The following ATXN1 variants were observed in gnomAD, a reference collection of about 807,000 sequenced individuals.
The protein encoded by ATXN1 is ataxin 1, also known as ataxin-1.
ATXN1 carries 8 observed loss-of-function variants against 56.4 expected under a neutral mutation model. The observed-to-expected ratio is 0.14, with a 90% CI of 0.08 to 0.26. The LOEUF (loss-of-function observed/expected upper bound fraction) is 0.26. ATXN1 is among the 10% of genes least tolerant of loss of function. The probability of loss-of-function intolerance (pLI) is 1.00; values close to 1 mark genes in which losing one functional copy is unlikely to be tolerated. For missense variants in ATXN1, 987 were observed against 1,106.5 expected (o/e 0.89, Z 1.53); for synonymous variants, 514 against 494.6 (o/e 1.04, Z -0.52).
chr6:16,719,753 C>T (rs1759709745), intron 2 of ATXN1, among the ~76,000 whole-genome samples: 1 of 152,074 alleles, frequency 6.6e-6, no homozygotes, highest in African/African-American at 2.4e-5. Context: ...AGGAGAGGAC[C>T]TGGTACAGAC....
intron 3 of ATXN1, among the ~76,000 whole-genome samples, chr6:16,642,935 C>T (rs1251201432): frequency 6.6e-6 from 1 of 152,166 alleles, no homozygotes; most frequent in Non-Finnish European, 1.5e-5. Context: ...TGCTGTATTG[C>T]AATACTTGCT....
At chr6:16,741,758 T>C (rs1040243456) in intron 2 of ATXN1, among the ~76,000 whole-genome samples, 1 of 152,230 alleles carries the variant, frequency 6.6e-6, no homozygotes, top group Non-Finnish European at 1.5e-5. Context: ...GTTTCTTCAT[T>C]TTAATGTTGT....
chr6:16,494,454 A>G (rs1054636277), intron 5 of ATXN1, among the ~76,000 whole-genome samples: 6 of 152,236 alleles, frequency 3.9e-5, no homozygotes, highest in African/African-American at 9.6e-5. Context: ...TCAGAGATAA[A>G]TATGCTGGAA....
chr6:16,346,987 C>T (rs1581704581), intron 6 of ATXN1, among the ~76,000 whole-genome samples: 1 of 152,170 alleles, frequency 6.6e-6, no homozygotes, highest in Admixed American at 6.6e-5. Context: ...CAGCGGCGGA[C>T]CCCGCCGGCC....
At position 16,587,411 on chromosome 6, in the gene ATXN1, A is replaced by G. The variant is rs887159384; in HGVS notation, c.-488-1504T>C. 3.4e-4 allele frequency among the ~76,000 whole-genome samples: 52 copies of G among 152,244 alleles called. 1 individual carries two copies. The highest frequency in any genetic ancestry group is 8.8e-5 in the Non-Finnish European group (6 of 68,038). ...TCTTAAAAAATTCTTAAACATGTTTACCTGTTCACAAAGTCTACATACTAA... is the reference window on the plus strand; with the variant it reads ...TCTTAAAAAATTCTTAAACATGTTTGCCTGTTCACAAAGTCTACATACTAA... On this transcript the variant is annotated intron_variant, in intron 3 of 7. Coordinates refer to ENST00000436367, the MANE Select transcript of ATXN1 (RefSeq NM_001128164.2).
chr6:16,328,403 G>A lies in ATXN1; in HGVS notation c.-93C>T, dbSNP rs1044543641. On this transcript the variant is annotated 5_prime_UTR_variant, in exon 7 of 8. Coordinates refer to ENST00000436367, the MANE Select transcript of ATXN1 (RefSeq NM_001128164.2). The surrounding 1 kb of genome is among the most constrained non-coding windows in gnomAD (Gnocchi z 6.2). ...CGGAAAGTCACATTTGATTTCTGTA[G>A]GGGATCCAGGCTCTTCATGAGGAAT... 28 of 1,395,846 alleles carry A rather than the reference G, an allele frequency of 2.0e-5. No individual in the cohort carries two copies. The African/African-American group carries it at 3.6e-4, about 18-fold the overall frequency. The allele number at this position is 1,395,846 out of a possible 1,614,324, so 86.5% of individuals were successfully genotyped here. A position where few individuals can be genotyped will look rare whatever the true frequency, so the allele number is the denominator to read the frequency against.
chr6:16,733,007 T>C (rs2113488931), intron 2 of ATXN1, among the ~76,000 whole-genome samples: 1 of 152,340 alleles, frequency 6.6e-6, no homozygotes, highest in South Asian at 2.1e-4. Context: ...ACCTATTTTT[T>C]AAATGTAGTG....
chr6:16,637,485 TA>T (rs1225740361), intron 3 of ATXN1, among the ~76,000 whole-genome samples: 2 of 151,410 alleles, frequency 1.3e-5, no homozygotes, highest in East Asian at 1.9e-4. Context: ...CCCTAGAACT[TA>T]AAGTATAATA....
chr6:16,475,392 C>T (rs988203582), intron 6 of ATXN1, among the ~76,000 whole-genome samples: 9 of 152,206 alleles, frequency 5.9e-5, no homozygotes, highest in South Asian at 2.1e-4. Flanking sequence ...ACTTCAGCAA[C>T]GCATCATGAT....
chr6:16,472,721 T>C (rs568581702), intron 6 of ATXN1, among the ~76,000 whole-genome samples: 1 of 152,322 alleles, frequency 6.6e-6, no homozygotes, highest in African/African-American at 2.4e-5. Flanking sequence ...GCTCCGAGCA[T>C]GCCCTGGGGT....
At chr6:16,646,561 C>G (rs1410148127) in intron 3 of ATXN1, among the ~76,000 whole-genome samples, 1 of 152,218 alleles carries the variant, frequency 6.6e-6, no homozygotes, top group Non-Finnish European at 1.5e-5. Context: ...ACACCTTAAC[C>G]CTGGGCTCAA....
chr6:16,687,657 TACACACACACACAC>T (rs57034032), intron 2 of ATXN1, among the ~76,000 whole-genome samples: 2 of 143,294 alleles, frequency 1.4e-5, no homozygotes, highest in African/African-American at 2.6e-5. Flanking sequence ...AAAGAAGAAA[TACACACACACACAC>T]ACACACACAC....
At chr6:16,695,216 T>G (rs1338779314) in intron 2 of ATXN1, among the ~76,000 whole-genome samples, 1 of 152,212 alleles carries the variant, frequency 6.6e-6, no homozygotes, top group Non-Finnish European at 1.5e-5. Context: ...CTGAGAAACT[T>G]AGACTTACAA....
At chr6:16,381,286 G>T (rs542428735) in intron 6 of ATXN1, among the ~76,000 whole-genome samples, 1 of 150,708 alleles carries the variant, frequency 6.6e-6, no homozygotes, top group South Asian at 2.1e-4. Context: ...ACTCCATCAT[G>T]AAAAAAAAAG....
intron 5 of ATXN1, among the ~76,000 whole-genome samples, chr6:16,509,724 T>C (rs1759188685): frequency 6.6e-6 from 1 of 152,212 alleles, no homozygotes. Context: ...AACTGCAGTT[T>C]CAATCTTCTT....
At chr6:16,458,562 G>C (rs1481102801) in intron 6 of ATXN1, among the ~76,000 whole-genome samples, 1 of 152,142 alleles carries the variant, frequency 6.6e-6, no homozygotes. Flanking sequence ...TTCTCTAATA[G>C]GAACCAAGAG....
chr6:16,642,569 T>G (rs1402196371), intron 3 of ATXN1, among the ~76,000 whole-genome samples: 2 of 152,248 alleles, frequency 1.3e-5, no homozygotes, highest in African/African-American at 4.8e-5. Flanking sequence ...AAAGTTCTAC[T>G]ATGGGTAAAA....
chr6:16,531,585 T>C (rs1157735468), intron 4 of ATXN1, among the ~76,000 whole-genome samples: 1 of 149,170 alleles, frequency 6.7e-6, no homozygotes, highest in East Asian at 2.0e-4. Context: ...ATCATGCCAT[T>C]GCACTCCAGC....
chr6:16,519,191 A>G (rs762396762), intron 5 of ATXN1, among the ~76,000 whole-genome samples: 2 of 152,174 alleles, frequency 1.3e-5, no homozygotes, highest in Non-Finnish European at 2.9e-5. Flanking sequence ...GTATCCTTGA[A>G]GGGCTTAGCC....
Sources: allele counts gnomAD v4.1 joint callset (sites outside exome capture counted in the v4.1 genomes callset), GRCh38; gene constraint gnomAD v4.1.1; non-coding constraint Gnocchi (gnomAD v3.1); transcripts MANE v1.5; gene names NCBI Gene and HGNC (gene_info 2026-07-23, HGNC 2026-07-21).